CUX2: variants seen among roughly 807,000 people sequenced by gnomAD.
CUX2 encodes cut like homeobox 2.
Under a neutral mutation model 144.8 loss-of-function variants are expected in CUX2, and 40 were observed. That is an observed-to-expected ratio of 0.28 (90% confidence interval 0.21 to 0.36). CUX2 has a LOEUF of 0.36. Among genes scored for constraint, CUX2 ranks in the 10% least tolerant of loss-of-function variants. CUX2 has a pLI of 1.00. For synonymous variants in CUX2, 827 were observed against 875.6 expected (o/e 0.94, Z 0.98); for missense variants, 1,615 against 1,994.0 (o/e 0.81, Z 3.62).
intron 3 of CUX2, among the ~76,000 whole-genome samples, chr12:111,239,323 A>T (rs182617242): frequency 6.6e-6 from 1 of 152,336 alleles, no homozygotes; most frequent in East Asian, 1.9e-4. Flanking sequence ...CCAAGCTGAC[A>T]TTAGTTATTA....
At chr12:111,081,870 AC>A (rs879855439) in intron 1 of CUX2, among the ~76,000 whole-genome samples, 7 of 151,912 alleles carry the variant, frequency 4.6e-5, no homozygotes, top group Non-Finnish European at 8.8e-5. Flanking sequence ...TTTTTCCAAA[AC>A]TGTAAGACCA....
intron 3 of CUX2, among the ~76,000 whole-genome samples, chr12:111,257,997 A>C (rs1040824451): frequency 7.2e-5 from 11 of 152,338 alleles, no homozygotes; most frequent in African/African-American, 2.6e-4. Flanking sequence ...ATTGAGTTTC[A>C]GCCCTTGGAA....
rs1885942813 is a variant in CUX2 at position 111,295,717 on chromosome 12, A to C, written c.637+308A>C. 6.6e-6 allele frequency among the ~76,000 whole-genome samples: 1 copy of C among 151,832 alleles called. No individual in the cohort carries two copies. Among genetic ancestry groups the C allele is most frequent in the Non-Finnish European group, 1.5e-5 (1 of 67,988 alleles). ...AGGGTCGCTTGAACCCCAGAGTTTGAGACCAGCCTGGGCAACATGGCAAGA... is the reference window on the plus strand; with the variant it reads ...AGGGTCGCTTGAACCCCAGAGTTTGCGACCAGCCTGGGCAACATGGCAAGA... On this transcript the variant is annotated intron_variant, in intron 7 of 21. Coordinates refer to ENST00000261726, the MANE Select transcript of CUX2 (RefSeq NM_015267.4). The surrounding 1 kb of genome is among the most constrained non-coding windows in gnomAD (Gnocchi z 5.0).
chr12:111,034,950 G>A lies in CUX2; in HGVS notation c.63+710G>A, dbSNP rs1333446713. 1.3e-5 allele frequency among the ~76,000 whole-genome samples: 2 copies of A among 151,904 alleles called. No homozygotes were observed. The highest frequency in any genetic ancestry group is 2.9e-5 in the Non-Finnish European group (2 of 67,968). ...TCCTCGGGCCGGGGTCTTGGGGTTC[G>A]TCTTGCTTCTTGCCTTTACCCCCCC... On this transcript the variant is annotated intron_variant, in intron 1 of 21. Coordinates refer to ENST00000261726, the MANE Select transcript of CUX2 (RefSeq NM_015267.4). This position sits in a 1 kb window ranked among gnomAD's most constrained non-coding sequence, Gnocchi z 4.2.
At position 111,289,185 on chromosome 12, in the gene CUX2, A is replaced by C. The variant is rs920530402; in HGVS notation, c.302-2233A>C. Among the ~76,000 whole-genome samples the C allele has an allele frequency of 2.6e-5, 4 of 152,182 alleles. No individual in the cohort carries two copies. Among genetic ancestry groups the C allele is most frequent in the Admixed American group, 2.6e-4 (4 of 15,270 alleles). ...GAGACCAGGAAGAGACAGGGCTTCC[A>C]TGCATTAGAAAGAACTGAACCAGAC... On this transcript the variant is annotated intron_variant, in intron 4 of 21. Transcript: ENST00000261726. The surrounding 1 kb of genome is among the most constrained non-coding windows in gnomAD (Gnocchi z 4.1).
intron 4 of CUX2, among the ~76,000 whole-genome samples, chr12:111,283,617 C>T (rs1048016478): frequency 9.9e-5 from 15 of 152,140 alleles, no homozygotes; most frequent in African/African-American, 2.9e-4. Context: ...GGCTTGGGGA[C>T]GCTAAGTGAC....
intron 1 of CUX2, among the ~76,000 whole-genome samples, chr12:111,127,220 G>T (rs910697743): frequency 6.6e-6 from 1 of 152,144 alleles, no homozygotes; most frequent in Non-Finnish European, 1.5e-5. Flanking sequence ...CCACTTTGGG[G>T]TTCCCATTCC....
intron 20 of CUX2, among the ~76,000 whole-genome samples, chr12:111,339,003 C>A (rs1283734371): frequency 6.6e-6 from 1 of 152,076 alleles, no homozygotes; most frequent in Non-Finnish European, 1.5e-5. Flanking sequence ...GAGGCTGAGG[C>A]GGGCAGATCA....
At chr12:111,064,099 C>A (rs1003441630) in intron 1 of CUX2, among the ~76,000 whole-genome samples, 3 of 152,132 alleles carry the variant, frequency 2.0e-5, no homozygotes, top group East Asian at 1.9e-4. Flanking sequence ...GTAGAAGGAG[C>A]CTTGTGTTTC....
intron 2 of CUX2, among the ~76,000 whole-genome samples, chr12:111,217,249 C>T (rs964821936): frequency 8.5e-5 from 13 of 152,288 alleles, no homozygotes; most frequent in African/African-American, 3.1e-4. Flanking sequence ...TAGAGTTCCT[C>T]AGACATTTGC....
rs1684744856 is a variant in CUX2 at position 111,293,055 on chromosome 12, A to C, written c.437-391A>C. ...GGAGAATCGCTTGAACCCAGGAGGC[A>C]GAGGTTGCAGTAAGCTGAGATTGTG... On this transcript the variant is annotated intron_variant, in intron 5 of 21. Transcript: ENST00000261726. The surrounding 1 kb of genome is among the most constrained non-coding windows in gnomAD (Gnocchi z 4.5). Among the ~76,000 whole-genome samples, 1 of 152,090 alleles carries C rather than the reference A, an allele frequency of 6.6e-6. No individual in the cohort carries two copies. Among genetic ancestry groups the C allele is most frequent in the Non-Finnish European group, 1.5e-5 (1 of 68,000 alleles).
At chr12:111,337,871 C>T (rs1888418618) in intron 19 of CUX2, among the ~76,000 whole-genome samples, 1 of 152,064 alleles carries the variant, frequency 6.6e-6, no homozygotes, top group Non-Finnish European at 1.5e-5. Context: ...CCCATCTCTA[C>T]TAAAAATACA....
Position 111,304,428 on chromosome 12 carries a change from T to G in CUX2, c.858+114T>G. ...CTTTGTGGTTGATTGTGTGCATCCATTTGAAACTGGGAGTGTGAATGTGTG... is the reference window on the plus strand; with the variant it reads ...CTTTGTGGTTGATTGTGTGCATCCAGTTGAAACTGGGAGTGTGAATGTGTG... On this transcript the variant is annotated intron_variant, in intron 10 of 21. Transcript: ENST00000261726. The surrounding 1 kb of genome is among the most constrained non-coding windows in gnomAD (Gnocchi z 4.7). 1 of 803,496 alleles carries G rather than the reference T, an allele frequency of 1.2e-6. No individual in the cohort carries two copies. The highest frequency in any genetic ancestry group is 2.1e-6 in the Non-Finnish European group (1 of 487,496). The allele number at this position is 803,496 out of a possible 1,614,324, so 49.8% of individuals were successfully genotyped here. A position where few individuals can be genotyped will look rare whatever the true frequency, so the allele number is the denominator to read the frequency against.
intron 1 of CUX2, among the ~76,000 whole-genome samples, chr12:111,069,095 A>G (rs995716241): frequency 2.6e-5 from 4 of 151,884 alleles, no homozygotes; most frequent in Non-Finnish European, 4.4e-5. Flanking sequence ...ACAGAGCAAG[A>G]CTCGGTCTAA....
At chr12:111,038,775 G>T (rs533474960) in intron 1 of CUX2, among the ~76,000 whole-genome samples, 6 of 151,986 alleles carry the variant, frequency 3.9e-5, no homozygotes, top group East Asian at 3.9e-4. Flanking sequence ...ACTGTTGGGG[G>T]TCTTGAAATT....
intron 1 of CUX2, among the ~76,000 whole-genome samples, chr12:111,129,682 G>A (rs907997283): frequency 1.3e-5 from 2 of 152,178 alleles, no homozygotes; most frequent in African/African-American, 4.8e-5. Flanking sequence ...TTATAGTGAC[G>A]CTAATCTCTG....
intron 1 of CUX2, among the ~76,000 whole-genome samples, chr12:111,082,093 G>C (rs1871924952): frequency 6.6e-6 from 1 of 152,190 alleles, no homozygotes; most frequent in South Asian, 2.1e-4. Context: ...TTTCAGCATA[G>C]AGAATGTATC....
chr12:111,346,117 A>T (rs1475539595), intron 21 of CUX2, among the ~76,000 whole-genome samples: 1 of 146,790 alleles, frequency 6.8e-6, no homozygotes, highest in African/African-American at 2.5e-5. Flanking sequence ...AAAAAAAAAA[A>T]AAGTTACACG....
At chr12:111,148,936 G>T (rs1876869589) in intron 1 of CUX2, among the ~76,000 whole-genome samples, 2 of 152,132 alleles carry the variant, frequency 1.3e-5, no homozygotes. Context: ...GTTTGAGGCT[G>T]CAGTGAGCTA....
Sources: allele counts gnomAD v4.1 joint callset (sites outside exome capture counted in the v4.1 genomes callset), GRCh38; gene constraint gnomAD v4.1.1; non-coding constraint Gnocchi (gnomAD v3.1); transcripts MANE v1.5; gene names NCBI Gene and HGNC (gene_info 2026-07-23, HGNC 2026-07-21).